The following TULP4 variants were observed in gnomAD, a reference collection of about 807,000 sequenced individuals.
TULP4 encodes TUB like protein 4, also known as tubby-related protein 4.
A neutral mutation model predicts 129.0 loss-of-function variants in TULP4; 16 were observed. That is an observed-to-expected ratio of 0.12 (90% confidence interval 0.08 to 0.19). The LOEUF is 0.19. Among genes scored for constraint, TULP4 ranks in the 10% least tolerant of loss-of-function variants. The probability of loss-of-function intolerance (pLI) is 1.00; values close to 1 mark genes in which losing one functional copy is unlikely to be tolerated. For synonymous variants in TULP4, 998 were observed against 854.0 expected (o/e 1.17, Z -2.94); for missense variants, 1,842 against 2,059.1 (o/e 0.89, Z 2.04).
At chr6:158,506,222 C>CT (rs61292138) in intron 13 of TULP4, among the ~76,000 whole-genome samples, 6,962 of 55,426 alleles carry the variant, frequency 0.13, 2,377 homozygotes, top group Non-Finnish European at 0.15. Flanking sequence ...TCGCCTTGTT[C>CT]TTTTTTTTTT....
At chr6:158,495,448 C>A (rs1180933618) in intron 11 of TULP4, among the ~76,000 whole-genome samples, 1 of 152,166 alleles carries the variant, frequency 6.6e-6, no homozygotes, top group African/African-American at 2.4e-5. Flanking sequence ...TATCACAGCT[C>A]GTATAGATTT....
intron 13 of TULP4, among the ~76,000 whole-genome samples, chr6:158,505,464 TGAG>T (rs565895844): frequency 1.4e-3 from 211 of 152,380 alleles, no homozygotes; most frequent in African/African-American, 4.9e-3. Context: ...ACAGCAGAGT[TGAG>T]GAGTTGTGGT....
chr6:158,239,622 G>T (rs1180860624), intron 1 of TULP4, among the ~76,000 whole-genome samples: 1 of 65,806 alleles, frequency 1.5e-5, no homozygotes, highest in Non-Finnish European at 3.4e-5. Context: ...GGACGGGGCG[G>T]CTGGCCGGGT....
chr6:158,390,658 C>T (rs545533474), intron 1 of TULP4, among the ~76,000 whole-genome samples: 2 of 152,242 alleles, frequency 1.3e-5, no homozygotes, highest in South Asian at 2.1e-4. Flanking sequence ...TAAGATCGAA[C>T]GAAGCCTGTG....
Position 158,502,506 on chromosome 6 carries a change from T to C in TULP4, c.2843T>C (p.Val948Ala), listed in dbSNP as rs1780476135. 6.2e-7 allele frequency: 1 copy of C among 1,612,066 alleles called. No homozygotes were observed. The highest frequency in any genetic ancestry group is 8.5e-7 in the Non-Finnish European group (1 of 1,179,782). Residue 948 changes from valine to alanine, a missense_variant, in exon 13 of 14, where the codon GTC becomes GCC. Coordinates refer to ENST00000367097, the MANE Select transcript of TULP4 (RefSeq NM_020245.5). Reference sequence around the variant, plus strand: ...AGTGCCACCCTGAACCGCCTGACCGTCCCTCGCTACTCCATCCCCACCGGG... The same window carrying C: ...AGTGCCACCCTGAACCGCCTGACCGCCCCTCGCTACTCCATCCCCACCGGG... ...CSSATLNRLT[V>A]PRYSIPTGDP...
At chr6:158,348,035 T>G (rs148659142) in intron 1 of TULP4, among the ~76,000 whole-genome samples, 452 of 152,162 alleles carry the variant, frequency 3.0e-3, no homozygotes, top group African/African-American at 0.01. Flanking sequence ...GAGAAAATAC[T>G]TAGAGTCCCT....
intron 1 of TULP4, among the ~76,000 whole-genome samples, chr6:158,303,830 G>T (rs1017829461): frequency 1.3e-5 from 2 of 152,192 alleles, no homozygotes; most frequent in Non-Finnish European, 2.9e-5. Flanking sequence ...AACTTGTAAT[G>T]AATATGTTTC....
At chr6:158,374,418 G>A (rs1777140048) in intron 1 of TULP4, among the ~76,000 whole-genome samples, 1 of 152,170 alleles carries the variant, frequency 6.6e-6, no homozygotes, top group African/African-American at 2.4e-5. Context: ...AGAAATTGGG[G>A]AAGAGTTTGA....
chr6:158,509,483 A>C lies in TULP4; in HGVS notation c.*2789A>C, dbSNP rs1296192428. 2.0e-5 allele frequency: 3 copies of C among 152,248 alleles called. No individual in the cohort carries two copies. The highest frequency in any genetic ancestry group is 2.9e-5 in the Non-Finnish European group (2 of 68,046). 9.4% of individuals were successfully genotyped at this position (152,248 alleles called of 1,614,324 possible). A position where few individuals can be genotyped will look rare whatever the true frequency, so the allele number is the denominator to read the frequency against. ...TGTTCTAATTGTTTTTGAGATATAA[A>C]GACCCTGAAAAAGCCCATTTTAGAA... On this transcript the variant is annotated 3_prime_UTR_variant, in exon 14 of 14. Coordinates refer to ENST00000367097, the MANE Select transcript of TULP4 (RefSeq NM_020245.5).
intron 8 of TULP4, among the ~76,000 whole-genome samples, chr6:158,482,115 C>T (rs761716216): frequency 2.4e-4 from 37 of 152,192 alleles, no homozygotes; most frequent in Admixed American, 4.6e-4. Flanking sequence ...CATCTTTGTG[C>T]CCTCAGTGGA....
At position 158,479,931 on chromosome 6, in the gene TULP4, C is replaced by G. The variant is rs746673748; in HGVS notation, c.1207C>G (p.Arg403Gly). The G allele has an allele frequency of 5.6e-6, 9 of 1,610,786 alleles. No individual in the cohort carries two copies. Among genetic ancestry groups the G allele is most frequent in the Non-Finnish European group, 7.6e-6 (9 of 1,179,938 alleles). The change falls in exon 7 of 14, where the codon CGC becomes GGC. Residue 403 changes from arginine (R) to glycine (G), a missense_variant. By Grantham distance (125) the Arg-to-Gly change is moderately radical (BLOSUM62 -2). Coordinates refer to ENST00000367097, the MANE Select transcript of TULP4 (RefSeq NM_020245.5). The stretch of plus-strand genomic sequence containing the variant: ...CGTCAGCAAGCTGACTCTGCCCCCC[C>G]GCCTCTGCTCCTACCTCTCCACTGC... ...KDVSKLTLPP[R>G]LCSYLSTAFI... is the part of the protein sequence containing the mutation.
intron 1 of TULP4, among the ~76,000 whole-genome samples, chr6:158,319,078 G>A (rs1414841309): frequency 6.6e-6 from 1 of 152,028 alleles, no homozygotes; most frequent in African/African-American, 2.4e-5. Flanking sequence ...TCTGAAAATA[G>A]CAAGTTTTTG....
At chr6:158,366,735 A>T (rs1780974187) in intron 1 of TULP4, among the ~76,000 whole-genome samples, 1 of 152,062 alleles carries the variant, frequency 6.6e-6, no homozygotes, top group Non-Finnish European at 1.5e-5. Flanking sequence ...CCCATCTATC[A>T]TTGCTACCAT....
At chr6:158,439,711 T>C (rs1345364994) in intron 3 of TULP4, among the ~76,000 whole-genome samples, 3 of 118,176 alleles carry the variant, frequency 2.5e-5, no homozygotes, top group East Asian at 4.7e-4. Context: ...TTTTTTTTTT[T>C]TTTTTTTTTT....
intron 1 of TULP4, among the ~76,000 whole-genome samples, chr6:158,330,475 C>T (rs1317958918): frequency 5.3e-5 from 8 of 152,234 alleles, no homozygotes; most frequent in African/African-American, 1.7e-4. Context: ...TCCATGTGCA[C>T]GCATACACTC....
chr6:158,492,884 G>A (rs767491314), intron 9 of TULP4, among the ~76,000 whole-genome samples: 3 of 152,212 alleles, frequency 2.0e-5, no homozygotes, highest in Non-Finnish European at 2.9e-5. Flanking sequence ...GGACTGAGAA[G>A]CAGAGATACA....
intron 4 of TULP4, 83 bp downstream of exon 4, chr6:158,449,259 G>T (rs1779116231): frequency 7.1e-7 from 1 of 1,402,838 alleles, no homozygotes; most frequent in Admixed American, 2.2e-5. Context: ...TGTGGAGGAG[G>T]GAGGGTGAAG....
chr6:158,348,173 G>GTTTTTTTTTTTTTTTT (rs34217788), intron 1 of TULP4, among the ~76,000 whole-genome samples: 2 of 112,172 alleles, frequency 1.8e-5, no homozygotes, highest in African/African-American at 3.8e-5. Context: ...TTTTTTTAAG[G>GTTTTTTTTTTTTTTTT]TTTTTTTTTT....
chr6:158,510,357 C>G lies in TULP4; in HGVS notation c.*3663C>G, dbSNP rs1780709804. On this transcript the variant is annotated 3_prime_UTR_variant, in exon 14 of 14. Coordinates refer to ENST00000367097, the MANE Select transcript of TULP4 (RefSeq NM_020245.5). The stretch of plus-strand genomic sequence containing the variant: ...TGCAAACCCCAGGGTCAAGCCTGCT[C>G]TGCCACAGGGTTGGATGGTGACCTT... 1 of 152,262 alleles carries G rather than the reference C, an allele frequency of 6.6e-6. No homozygotes were observed. The highest frequency in any genetic ancestry group is 1.5e-5 in the Non-Finnish European group (1 of 68,050). The allele number at this position is 152,262 out of a possible 1,614,324, so 9.4% of individuals were successfully genotyped here. A position where few individuals can be genotyped will look rare whatever the true frequency, so the allele number is the denominator to read the frequency against.
Sources: allele counts gnomAD v4.1 joint callset (sites outside exome capture counted in the v4.1 genomes callset), GRCh38; gene constraint gnomAD v4.1.1; transcripts MANE v1.5; gene names NCBI Gene and HGNC (gene_info 2026-07-23, HGNC 2026-07-21).